The following INVS variants were observed in gnomAD, a reference collection of about 807,000 sequenced individuals.
The protein encoded by INVS is inversion of embryo turning homolog.
Under a neutral mutation model 108.8 loss-of-function variants are expected in INVS, and 86 were observed. The ratio of observed to expected loss-of-function variants is 0.79; its 90% CI spans 0.66 to 0.95. The LOEUF is 0.95. INVS is among the 40% of genes least tolerant of loss of function. The pLI is 0.00. For missense variants in INVS, 1,169 were observed against 1,297.4 expected (o/e 0.90, Z 1.52); for synonymous variants, 455 against 473.5 (o/e 0.96, Z 0.51).
At chr9:100,222,796 C>A (rs1831192621) in intron 3 of INVS, among the ~76,000 whole-genome samples, 1 of 150,610 alleles carries the variant, frequency 6.6e-6, no homozygotes, top group Admixed American at 6.6e-5. Context: ...AAGTGTCACA[C>A]AGATTTGTTT....
intron 14 of INVS, among the ~76,000 whole-genome samples, chr9:100,293,361 T>C (rs1462819953): frequency 6.6e-6 from 1 of 152,198 alleles, no homozygotes; most frequent in Non-Finnish European, 1.5e-5. Flanking sequence ...GCAAATCACA[T>C]GGCCCCCCTG....
chr9:100,295,259 C>T (rs1457882633), intron 14 of INVS, among the ~76,000 whole-genome samples: 2 of 152,102 alleles, frequency 1.3e-5, no homozygotes, highest in African/African-American at 2.4e-5. Flanking sequence ...GCAAATGAGC[C>T]TTCAGTCATT....
intron 7 of INVS, 137 bp downstream of exon 7, chr9:100,242,816 T>A: frequency 1.7e-6 from 1 of 586,568 alleles, no homozygotes; most frequent in Non-Finnish European, 3.1e-6. Context: ...TGTTTTTATT[T>A]ATTTATTTAT....
chr9:100,185,526 T>C (rs1009302680), intron 3 of INVS, among the ~76,000 whole-genome samples: 1 of 20,552 alleles, frequency 4.9e-5, no homozygotes, highest in Non-Finnish European at 1.3e-4. Flanking sequence ...AATATATATA[T>C]ATATATATAT....
chr9:100,285,323 G>A (rs1214573336), intron 13 of INVS, among the ~76,000 whole-genome samples: 6 of 152,132 alleles, frequency 3.9e-5, no homozygotes, highest in Admixed American at 3.9e-4. Flanking sequence ...ACAGTCCTAG[G>A]TAATATGTCA....
intron 3 of INVS, among the ~76,000 whole-genome samples, chr9:100,204,650 TGATCACAAAAAAAAAGATTTTCCC>T (rs1218504997): frequency 4.6e-5 from 7 of 152,060 alleles, no homozygotes; most frequent in Non-Finnish European, 1.0e-4. Flanking sequence ...AATCCCAAGG[TGATCACAAAAAAAAAGATTTTCCC>T]ACCTCTGAAC....
At chr9:100,107,105 G>C (rs1827204784) in intron 2 of INVS, among the ~76,000 whole-genome samples, 1 of 152,064 alleles carries the variant, frequency 6.6e-6, no homozygotes, top group Non-Finnish European at 1.5e-5. Flanking sequence ...TATACATATA[G>C]AGAAGTGCAT....
chr9:100,301,543 G>GTAA lies in INVS; in HGVS notation c.*869_*870insTAA, dbSNP rs1220073473. Among the ~76,000 whole-genome samples the GTAA allele has an allele frequency of 1.3e-5, 2 of 152,130 alleles. No homozygotes were observed. The highest frequency in any genetic ancestry group is 4.8e-5 in the African/African-American group (2 of 41,428). On this transcript the variant is annotated 3_prime_UTR_variant, in exon 17 of 17. Coordinates refer to ENST00000262457, the MANE Select transcript of INVS (RefSeq NM_014425.5). ...CTTAAAATGCCATTTCTGTTGGCAG[G>GTAA]GAAGAATGAAACGGCACACATCCTA...
Position 100,295,038 on chromosome 9 carries a change from A to G in INVS, c.2787-1879A>G, listed in dbSNP as rs557122467. ...TCGGCCTCGAAAGCCACAGGTGGAA[A>G]TGGCCATTGCACTCTGTGGGACATG... On this transcript the variant is annotated intron_variant, in intron 14 of 16. Transcript: ENST00000262457. 7.2e-5 allele frequency among the ~76,000 whole-genome samples: 11 copies of G among 152,338 alleles called. No homozygotes were observed. In the South Asian group the frequency reaches 2.3e-3, roughly 32 times the overall value.
rs1427230794 is a variant in INVS, at chr9:100,302,144, A to AGAT, written c.*1471_*1473dup. 3 of 1,151,032 alleles carry AGAT rather than the reference A, an allele frequency of 2.6e-6. No individual in the cohort carries two copies. Among genetic ancestry groups the AGAT allele is most frequent in the African/African-American group, 1.6e-5 (1 of 63,550 alleles). 71.3% of individuals were successfully genotyped at this position (1,151,032 alleles called of 1,614,324 possible). A position where few individuals can be genotyped will look rare whatever the true frequency, so the allele number is the denominator to read the frequency against. On this transcript the variant is annotated 3_prime_UTR_variant, in exon 17 of 17. Coordinates refer to ENST00000262457, the MANE Select transcript of INVS (RefSeq NM_014425.5). ...TTACATCAGTCTTTTTCTTCAAATA[A>AGAT]GATAGATGTGAATAAACAACTTCAA...
At chr9:100,141,161 G>C (rs1404114639) in intron 3 of INVS, among the ~76,000 whole-genome samples, 1 of 152,112 alleles carries the variant, frequency 6.6e-6, no homozygotes, top group Non-Finnish European at 1.5e-5. Flanking sequence ...GGGATGACAA[G>C]TTTTTTGGGG....
Position 100,284,639 on chromosome 9 carries a change from A to T in INVS, c.2068+36A>T, listed in dbSNP as rs765527572. Reference sequence around the variant, plus strand: ...TGCCTTTGTCATCTTCTGCCGGCCCATGGACTGTGGGCTTTTTTGATTGGT... The same window carrying T: ...TGCCTTTGTCATCTTCTGCCGGCCCTTGGACTGTGGGCTTTTTTGATTGGT... On this transcript the variant is annotated intron_variant, in intron 13 of 16. Coordinates refer to ENST00000262457, the MANE Select transcript of INVS (RefSeq NM_014425.5). 3.1e-6 allele frequency: 5 copies of T among 1,603,480 alleles called. No individual in the cohort carries two copies. The East Asian group carries it at 1.1e-4, about 36-fold the overall frequency.
chr9:100,256,730 G>C (rs1431322617), intron 10 of INVS, among the ~76,000 whole-genome samples: 1 of 152,192 alleles, frequency 6.6e-6, no homozygotes. Context: ...GTGGTTTTGA[G>C]TGAGTTTCTT....
intron 13 of INVS, among the ~76,000 whole-genome samples, chr9:100,285,854 A>G (rs980073913): frequency 1.3e-5 from 2 of 152,324 alleles, no homozygotes; most frequent in East Asian, 1.9e-4. Flanking sequence ...CACGAACCCT[A>G]TTGTTTGCAC....
chr9:100,229,566 T>C lies in INVS; in HGVS notation c.448-94T>C. ...AAACAAAGATACAGGGCAACTACTG[T>C]ATAAAACTCTTATAACAGTGCCTGT... On this transcript the variant is annotated intron_variant, in intron 4 of 16. Coordinates refer to ENST00000262457, the MANE Select transcript of INVS (RefSeq NM_014425.5). 4.5e-6 allele frequency: 5 copies of C among 1,108,754 alleles called. No individual in the cohort carries two copies. The South Asian group carries it at 6.5e-5, about 14-fold the overall frequency. 68.7% of individuals were successfully genotyped at this position (1,108,754 alleles called of 1,614,324 possible). A position where few individuals can be genotyped will look rare whatever the true frequency, so the allele number is the denominator to read the frequency against.
intron 2 of INVS, among the ~76,000 whole-genome samples, chr9:100,118,737 T>G (rs1336091543): frequency 6.6e-6 from 1 of 152,034 alleles, no homozygotes; most frequent in Admixed American, 6.6e-5. Flanking sequence ...CTCGGCTCAC[T>G]GCAACCTCTG....
chr9:100,295,679 T>A (rs1474806748), intron 14 of INVS, among the ~76,000 whole-genome samples: 1 of 152,132 alleles, frequency 6.6e-6, no homozygotes, highest in Non-Finnish European at 1.5e-5. Flanking sequence ...AAACTTGATC[T>A]TAAAATTGTC....
intron 3 of INVS, among the ~76,000 whole-genome samples, chr9:100,173,183 T>A (rs1199943832): frequency 6.6e-6 from 1 of 152,164 alleles, no homozygotes; most frequent in Admixed American, 6.5e-5. Flanking sequence ...CTCCAGTAGA[T>A]AACATTTATA....
chr9:100,194,478 G>A (rs1353449879), intron 3 of INVS, among the ~76,000 whole-genome samples: 2 of 150,168 alleles, frequency 1.3e-5, no homozygotes, highest in African/African-American at 2.4e-5. Flanking sequence ...ATAAACAATC[G>A]TCTTATATAT....
Sources: gnomAD v4.1 joint callset for allele counts (sites outside exome capture counted in the v4.1 genomes callset) on GRCh38, gnomAD v4.1.1 for gene constraint, MANE v1.5 for transcripts, NCBI Gene and HGNC (gene_info 2026-07-23, HGNC 2026-07-21) for gene names.